Variants in EFCAB3 observed in about 807,000 individuals in gnomAD.
EFCAB3 encodes the protein EF-hand calcium-binding domain-containing protein 3.
EFCAB3 carries 36 observed loss-of-function variants against 42.2 expected under a neutral mutation model. The observed-to-expected ratio is 0.85, with a 90% CI of 0.65 to 1.13. EFCAB3 has a LOEUF of 1.13. Ranked by LOEUF, EFCAB3 falls within the 50% of genes most tolerant of loss-of-function variation. EFCAB3 has a pLI of 0.00. For missense variants in EFCAB3, 418 were observed against 505.1 expected (o/e 0.83, Z 1.65); for synonymous variants, 170 against 172.8 (o/e 0.98, Z 0.13).
Position 62,393,658 on chromosome 17 carries a change from T to C in EFCAB3, c.367+14T>C. ...TCAAGGCAGTGGGTGAGTAGAGATG[T>C]TATGAACAGAAGGCAGTTGGGCAGC... On this transcript the variant is annotated intron_variant, in intron 5 of 9. Transcript: ENST00000305286. The C allele has an allele frequency of 8.1e-6, 13 of 1,611,472 alleles. No individual in the cohort carries two copies. Among genetic ancestry groups the C allele is most frequent in the Non-Finnish European group, 1.1e-5 (13 of 1,177,956 alleles).
intron 1 of EFCAB3, chr17:62,381,845 TG>T: frequency 2.3e-6 from 1 of 434,150 alleles, no homozygotes; most frequent in Non-Finnish European, 4.6e-6. Flanking sequence ...CCCAGGGTAT[TG>T]GCAAGGTTGC....
At chr17:62,407,343 T>C in intron 8 of EFCAB3, 131 bp downstream of exon 8, 1 of 785,138 alleles carries the variant, frequency 1.3e-6, no homozygotes, top group Non-Finnish European at 1.8e-6. Flanking sequence ...ATAACCATGT[T>C]CCTAAATTTA....
chr17:62,391,999 A>G, intron 4 of EFCAB3, 34 bp downstream of exon 4: 1 of 1,567,986 alleles, frequency 6.4e-7, no homozygotes, highest in Non-Finnish European at 8.7e-7. Context: ...TTTTTCTCAT[A>G]AAAGATTTTT....
At chr17:62,404,427 G>A (rs756484594) in intron 6 of EFCAB3, among the ~76,000 whole-genome samples, 49 of 152,292 alleles carry the variant, frequency 3.2e-4, no homozygotes, top group Middle Eastern at 6.8e-3. Flanking sequence ...GAGTCCAGGA[G>A]TTCAAGGCTG....
chr17:62,385,346 G>A (rs1382242793), intron 2 of EFCAB3, among the ~76,000 whole-genome samples: 1 of 152,162 alleles, frequency 6.6e-6, no homozygotes, highest in Non-Finnish European at 1.5e-5. Flanking sequence ...AGGAAACTGA[G>A]GTGGAAGGAT....
intron 9 of EFCAB3, among the ~76,000 whole-genome samples, chr17:62,414,708 C>T (rs1372435990): frequency 6.6e-6 from 1 of 152,150 alleles, no homozygotes; most frequent in African/African-American, 2.4e-5. Context: ...AGCATCTACT[C>T]AGTCACTGAA....
intron 8 of EFCAB3, among the ~76,000 whole-genome samples, chr17:62,410,612 A>G (rs1169814628): frequency 6.6e-6 from 1 of 152,064 alleles, no homozygotes; most frequent in Non-Finnish European, 1.5e-5. Flanking sequence ...ATAAATATAT[A>G]TATGAATACT....
At chr17:62,394,313 A>T (rs1227959834) in intron 5 of EFCAB3, among the ~76,000 whole-genome samples, 1 of 151,824 alleles carries the variant, frequency 6.6e-6, no homozygotes, top group South Asian at 2.1e-4. Context: ...CCTTTTATTT[A>T]AAAAAAATTT....
intron 6 of EFCAB3, among the ~76,000 whole-genome samples, chr17:62,404,882 A>T (rs1239468720): frequency 6.6e-6 from 1 of 152,190 alleles, no homozygotes; most frequent in African/African-American, 2.4e-5. Flanking sequence ...TGAAACAATT[A>T]GTTATAAAAT....
At chr17:62,406,823 G>A in intron 7 of EFCAB3, 150 bp downstream of exon 7, 1 of 900,454 alleles carries the variant, frequency 1.1e-6, no homozygotes, top group Non-Finnish European at 1.6e-6. Flanking sequence ...TCATTTGAAA[G>A]CAAATGTAGA....
intron 2 of EFCAB3, among the ~76,000 whole-genome samples, chr17:62,387,081 C>A (rs1255685621): frequency 6.6e-6 from 1 of 152,164 alleles, no homozygotes; most frequent in East Asian, 1.9e-4. Context: ...TATGAGCCAC[C>A]ATGGCTGGCC....
At chr17:62,415,120 A>C (rs1055292514) in intron 9 of EFCAB3, among the ~76,000 whole-genome samples, 11 of 126,646 alleles carry the variant, frequency 8.7e-5, no homozygotes, top group African/African-American at 2.7e-4. Context: ...AAAAAAAAAC[A>C]AAAAAAAACA....
intron 8 of EFCAB3, among the ~76,000 whole-genome samples, chr17:62,412,717 C>T (rs2070510072): frequency 6.6e-6 from 1 of 151,798 alleles, no homozygotes; most frequent in African/African-American, 2.4e-5. Flanking sequence ...TCCTCAGCCT[C>T]CCAAAGTGCT....
chr17:62,406,800 T>C, intron 7 of EFCAB3, 127 bp downstream of exon 7: 2 of 1,013,338 alleles, frequency 2.0e-6, no homozygotes, highest in Non-Finnish European at 2.9e-6. Flanking sequence ...GACCACTCTC[T>C]GTCACATAGA....
upstream of EFCAB3, among the ~76,000 whole-genome samples, chr17:62,378,198 C>T (rs1040796277): frequency 6.6e-6 from 1 of 152,142 alleles, no homozygotes; most frequent in Non-Finnish European, 1.5e-5. Context: ...TTCCTTGTAC[C>T]TTTATAGTCC....
chr17:62,407,584 G>A (rs975250053), intron 8 of EFCAB3, among the ~76,000 whole-genome samples: 56 of 152,232 alleles, frequency 3.7e-4, no homozygotes, highest in African/African-American at 1.1e-3. Context: ...GACCAGGCCC[G>A]CAACCCAAAG....
At chr17:62,394,055 T>C (rs186018429) in intron 5 of EFCAB3, among the ~76,000 whole-genome samples, 171 of 151,992 alleles carry the variant, frequency 1.1e-3, no homozygotes, top group East Asian at 5.0e-3. Context: ...CCCAGGTTCA[T>C]GCCATTCTCC....
intron 4 of EFCAB3, 83 bp downstream of exon 4, chr17:62,392,048 G>A: frequency 7.4e-7 from 1 of 1,349,148 alleles, no homozygotes; most frequent in Non-Finnish European, 9.8e-7. Flanking sequence ...GTATAAACAT[G>A]AGAAACAAAT....
intron 2 of EFCAB3, 145 bp from the exon 3 acceptor site, chr17:62,387,195 T>C: frequency 2.0e-6 from 1 of 501,730 alleles, no homozygotes; most frequent in Non-Finnish European, 3.5e-6. Flanking sequence ...CTATGGGCTA[T>C]CCTAAATAGA....
Sources: allele counts gnomAD v4.1 joint callset (sites outside exome capture counted in the v4.1 genomes callset), GRCh38; gene constraint gnomAD v4.1.1; transcripts MANE v1.5; gene names NCBI Gene and HGNC (gene_info 2026-07-23, HGNC 2026-07-21).